The following PDE4D variants were observed in gnomAD, a reference collection of about 807,000 sequenced individuals.
PDE4D encodes the protein 3',5'-cyclic-AMP phosphodiesterase 4D.
Under a neutral mutation model 87.4 loss-of-function variants are expected in PDE4D, and 24 were observed. The observed-to-expected ratio is 0.27, with a 90% CI of 0.20 to 0.39. PDE4D has a LOEUF of 0.39. Among genes scored for constraint, PDE4D ranks in the 10% least tolerant of loss-of-function variants. The probability of loss-of-function intolerance (pLI) is 1.00; values close to 1 mark genes in which losing one functional copy is unlikely to be tolerated. For missense variants in PDE4D, 714 were observed against 1,041.0 expected (o/e 0.69, Z 4.32); for synonymous variants, 384 against 383.2 (o/e 1.00, Z -0.02).
intron 1 of PDE4D, among the ~76,000 whole-genome samples, chr5:59,408,484 A>G (rs1287478655): frequency 6.6e-6 from 1 of 152,226 alleles, no homozygotes; most frequent in Non-Finnish European, 1.5e-5. Context: ...AGAAGGGAAT[A>G]TGGGATTGAA....
chr5:59,495,236 T>C (rs1463037996), intron 1 of PDE4D, among the ~76,000 whole-genome samples: 1 of 152,224 alleles, frequency 6.6e-6, no homozygotes, highest in Non-Finnish European at 1.5e-5. Context: ...CTATCAGAAG[T>C]AGTCTCCCCA....
chr5:59,246,477 G>T (rs1041818819), intron 1 of PDE4D, among the ~76,000 whole-genome samples: 11 of 152,084 alleles, frequency 7.2e-5, no homozygotes, highest in Admixed American at 1.3e-4. Context: ...AGACAATTAT[G>T]TATTAGGCCT....
chr5:60,007,274 T>C (rs767721754), intron 2 of PDE4D, among the ~76,000 whole-genome samples: 4 of 152,112 alleles, frequency 2.6e-5, no homozygotes, highest in African/African-American at 9.6e-5. Flanking sequence ...AAGGATAGAA[T>C]AACAAATCAT....
intron 3 of PDE4D, among the ~76,000 whole-genome samples, chr5:59,903,707 A>G (rs1581675260): frequency 6.6e-6 from 1 of 152,166 alleles, no homozygotes; most frequent in Non-Finnish European, 1.5e-5. Flanking sequence ...CACACAGAAG[A>G]TGGTAACTCA....
At chr5:59,172,682 TG>T (rs1208464710) in intron 5 of PDE4D, 2 of 151,738 alleles carry the variant, frequency 1.3e-5, no homozygotes, top group African/African-American at 2.4e-5. Flanking sequence ...CACTCCAGCC[TG>T]GGCAACAGAG....
chr5:60,280,389 T>C (rs999907535), intron 1 of PDE4D, among the ~76,000 whole-genome samples: 3 of 151,688 alleles, frequency 2.0e-5, no homozygotes, highest in African/African-American at 7.3e-5. Flanking sequence ...GCAGGAGGAA[T>C]AGGGAAAGCT....
At chr5:59,902,452 AT>A (rs1752378002) in intron 3 of PDE4D, among the ~76,000 whole-genome samples, 1 of 152,112 alleles carries the variant, frequency 6.6e-6, no homozygotes, top group Non-Finnish European at 1.5e-5. Context: ...TACATATATG[AT>A]TTTTTAAAAG....
intron 2 of PDE4D, among the ~76,000 whole-genome samples, chr5:60,105,383 G>A (rs138020543): frequency 9.0e-4 from 137 of 152,136 alleles, no homozygotes; most frequent in African/African-American, 2.7e-3. Flanking sequence ...AATCTATGTC[G>A]GATTGGTGTA....
At chr5:60,495,216 C>T (rs1749747808) in intron 1 of PDE4D, among the ~76,000 whole-genome samples, 1 of 152,176 alleles carries the variant, frequency 6.6e-6, no homozygotes, top group African/African-American at 2.4e-5. Flanking sequence ...AACTTCAGTC[C>T]ATGGTATTTT....
chr5:59,529,905 A>G (rs1028208406), intron 1 of PDE4D, among the ~76,000 whole-genome samples: 5 of 152,214 alleles, frequency 3.3e-5, no homozygotes, highest in Admixed American at 1.3e-4. Flanking sequence ...GGATGTAAAA[A>G]ACATGCAATA....
At chr5:60,195,915 C>A (rs1263731131) in intron 1 of PDE4D, among the ~76,000 whole-genome samples, 1 of 151,748 alleles carries the variant, frequency 6.6e-6, no homozygotes, top group Non-Finnish European at 1.5e-5. Context: ...TGAAAGTAGA[C>A]ATTGACGGTT....
chr5:59,948,420 G>A (rs1266963160), intron 3 of PDE4D, among the ~76,000 whole-genome samples: 1 of 152,176 alleles, frequency 6.6e-6, no homozygotes, highest in Non-Finnish European at 1.5e-5. Context: ...GTAGAAAATT[G>A]TATGATTTTC....
chr5:60,501,103 A>T (rs1406976226), intron 1 of PDE4D, among the ~76,000 whole-genome samples: 1 of 151,846 alleles, frequency 6.6e-6, no homozygotes, highest in African/African-American at 2.4e-5. Context: ...GCACCCATTA[A>T]CTCATCATTT....
At chr5:59,347,915 C>T (rs577266094) in intron 1 of PDE4D, among the ~76,000 whole-genome samples, 17 of 152,238 alleles carry the variant, frequency 1.1e-4, no homozygotes, top group African/African-American at 4.1e-4. Flanking sequence ...TATGCTTGAA[C>T]TTATATGCAA....
intron 1 of PDE4D, among the ~76,000 whole-genome samples, chr5:60,326,437 G>A (rs1756800939): frequency 6.6e-6 from 1 of 152,076 alleles, no homozygotes; most frequent in South Asian, 2.1e-4. Flanking sequence ...GATAACACTA[G>A]ACACTTTAAT....
At chr5:59,330,764 G>A (rs1424864623) in intron 1 of PDE4D, among the ~76,000 whole-genome samples, 2 of 152,202 alleles carry the variant, frequency 1.3e-5, no homozygotes, top group African/African-American at 4.8e-5. Flanking sequence ...TGGTTATGTT[G>A]TTTCAGCTAC....
chr5:59,961,427 C>T (rs1460175698), intron 3 of PDE4D, among the ~76,000 whole-genome samples: 1 of 152,004 alleles, frequency 6.6e-6, no homozygotes, highest in Non-Finnish European at 1.5e-5. Context: ...AGCAATCATC[C>T]CCCAGAGCCT....
chr5:60,015,690 T>C (rs937380384), intron 2 of PDE4D, among the ~76,000 whole-genome samples: 4 of 152,060 alleles, frequency 2.6e-5, no homozygotes, highest in Non-Finnish European at 5.9e-5. Context: ...CTCCATAATG[T>C]GGATGGGCCT....
At chr5:60,090,278 C>T (rs1774988480) in intron 2 of PDE4D, among the ~76,000 whole-genome samples, 1 of 151,990 alleles carries the variant, frequency 6.6e-6, no homozygotes, top group African/African-American at 2.4e-5. Context: ...TGCAGAAATC[C>T]TCATCAAAAT....
Sources: allele counts gnomAD v4.1 joint callset (sites outside exome capture counted in the v4.1 genomes callset), GRCh38; gene constraint gnomAD v4.1.1; transcripts MANE v1.5; gene names NCBI Gene and HGNC (gene_info 2026-07-23, HGNC 2026-07-21).